LNX1: variants seen among roughly 807,000 people sequenced by gnomAD.
LNX1 encodes ligand of numb-protein X 1, also known as E3 ubiquitin-protein ligase LNX.
Under a neutral mutation model 68.4 loss-of-function variants are expected in LNX1, and 54 were observed. That is an observed-to-expected ratio of 0.79 (90% confidence interval 0.63 to 0.99). The LOEUF is 0.99. Ranked by LOEUF, LNX1 falls within the 50% of genes least tolerant of loss-of-function variation. The pLI, the probability that LNX1 is intolerant of heterozygous loss-of-function variation, is 0.00. For missense variants in LNX1, 906 were observed against 926.4 expected, an observed-to-expected ratio of 0.98 and a Z score of 0.29; for synonymous variants, 336 against 350.0, an observed-to-expected ratio of 0.96 and a Z score of 0.45.
At chr4:53,582,950 T>A (rs1035394864) in intron 1 of LNX1, among the ~76,000 whole-genome samples, 3 of 152,148 alleles carry the variant, frequency 2.0e-5, no homozygotes, top group African/African-American at 7.2e-5. Context: ...TCTAAAATAA[T>A]TCACCCAGCA....
upstream of LNX1, among the ~76,000 whole-genome samples, chr4:53,595,791 G>T (rs1178431597): frequency 1.3e-5 from 2 of 152,120 alleles, no homozygotes; most frequent in African/African-American, 4.8e-5. Context: ...CGTTCTCAAG[G>T]ACTCCTCCTG....
intron 9 of LNX1, among the ~76,000 whole-genome samples, chr4:53,474,435 T>C (rs1334356062): frequency 6.6e-6 from 1 of 152,200 alleles, no homozygotes; most frequent in Non-Finnish European, 1.5e-5. Context: ...AATGAGTAAT[T>C]GCCACAGAGA....
At chr4:53,482,648 T>A (rs1055099408) in intron 6 of LNX1, among the ~76,000 whole-genome samples, 3 of 152,162 alleles carry the variant, frequency 2.0e-5, no homozygotes, top group African/African-American at 7.2e-5. Flanking sequence ...AAGTGGGAGC[T>A]TAGCTCTGGA....
intron 2 of LNX1, among the ~76,000 whole-genome samples, chr4:53,531,412 C>G (rs1461341873): frequency 6.6e-6 from 1 of 152,206 alleles, no homozygotes; most frequent in Admixed American, 6.5e-5. Flanking sequence ...TTGGATTGGA[C>G]AATCTCTAAG....
chr4:53,481,876 T>G, intron 6 of LNX1, 22 bp from the exon 7 acceptor site: 1 of 1,550,148 alleles, frequency 6.5e-7, no homozygotes, highest in South Asian at 1.2e-5. Flanking sequence ...GACACAGGCA[T>G]TAGCCACTGT....
chr4:53,551,165 G>T (rs1238360709), intron 2 of LNX1, among the ~76,000 whole-genome samples: 2 of 152,056 alleles, frequency 1.3e-5, no homozygotes, highest in African/African-American at 4.8e-5. Flanking sequence ...TGCAGGAAGG[G>T]CATACATAAG....
At chr4:53,637,648 A>AT (rs1318282962) in intron 1 of LNX1, among the ~76,000 whole-genome samples, 1 of 152,140 alleles carries the variant, frequency 6.6e-6, no homozygotes, top group Non-Finnish European at 1.5e-5. Flanking sequence ...GTGCAACCTT[A>AT]TTTTTTGTGC....
chr4:53,512,305 T>C (rs1335773993), intron 2 of LNX1, among the ~76,000 whole-genome samples: 2 of 149,070 alleles, frequency 1.3e-5, no homozygotes, highest in African/African-American at 2.4e-5. Flanking sequence ...TTAAAAACAC[T>C]GTGTGGTCCA....
intron 2 of LNX1, among the ~76,000 whole-genome samples, chr4:53,545,650 T>C (rs1482140701): frequency 1.3e-5 from 2 of 152,224 alleles, no homozygotes; most frequent in Non-Finnish European, 2.9e-5. Flanking sequence ...TAATGCTTCC[T>C]GTGTATTGCA....
intron 2 of LNX1, chr4:53,558,087 T>G (rs1714545529): frequency 2.7e-6 from 4 of 1,500,376 alleles, no homozygotes; most frequent in Non-Finnish European, 3.5e-6. Context: ...ACAAAGAATT[T>G]GACTGAGAAC....
chr4:53,466,029 C>T (rs899672189), intron 9 of LNX1, among the ~76,000 whole-genome samples: 17 of 152,082 alleles, frequency 1.1e-4, no homozygotes, highest in Non-Finnish European at 2.5e-4. Flanking sequence ...TTGTAAGAGG[C>T]ATTTATGATT....
chr4:53,465,146 T>C (rs1313330790), intron 9 of LNX1, among the ~76,000 whole-genome samples: 2 of 152,218 alleles, frequency 1.3e-5, no homozygotes, highest in East Asian at 1.9e-4. Flanking sequence ...GCAGGAAATA[T>C]TAAGCTCAGT....
upstream of LNX1, among the ~76,000 whole-genome samples, chr4:53,595,866 C>A (rs1246357859): frequency 6.6e-6 from 1 of 152,130 alleles, no homozygotes; most frequent in Admixed American, 6.5e-5. Flanking sequence ...CATTTTGCTT[C>A]CTATTTTTTT....
At chr4:53,559,430 G>A (rs1406630986) in intron 2 of LNX1, among the ~76,000 whole-genome samples, 1 of 152,162 alleles carries the variant, frequency 6.6e-6, no homozygotes, top group African/African-American at 2.4e-5. Context: ...ATATGTAGGT[G>A]CTGGGGTTAG....
chr4:53,484,467 G>A (rs1376178279), intron 6 of LNX1, among the ~76,000 whole-genome samples: 1 of 152,088 alleles, frequency 6.6e-6, no homozygotes, highest in Non-Finnish European at 1.5e-5. Flanking sequence ...GGAGGCTGCA[G>A]GAGGAGAATT....
chr4:53,561,453 C>G (rs1730282975), intron 2 of LNX1, among the ~76,000 whole-genome samples: 1 of 152,130 alleles, frequency 6.6e-6, no homozygotes, highest in Admixed American at 6.6e-5. Flanking sequence ...GTCTTGATCT[C>G]CTGATCTCAT....
chr4:53,557,051 G>A (rs1162615627), intron 2 of LNX1, among the ~76,000 whole-genome samples: 1 of 152,214 alleles, frequency 6.6e-6, no homozygotes, highest in East Asian at 1.9e-4. Flanking sequence ...CTTTTCATAT[G>A]ATTGCTAGAA....
intron 1 of LNX1, among the ~76,000 whole-genome samples, chr4:53,580,683 G>T (rs1301012314): frequency 1.3e-5 from 2 of 152,182 alleles, no homozygotes; most frequent in Admixed American, 1.3e-4. Context: ...CTTAGAAAAT[G>T]CAAAAATATG....
intron 9 of LNX1, among the ~76,000 whole-genome samples, chr4:53,471,455 C>CA (rs770449117): frequency 5.1e-4 from 77 of 152,240 alleles, no homozygotes; most frequent in Admixed American, 1.0e-3. Flanking sequence ...TCTAAAACAT[C>CA]AAAAGCAATG....
Sources: allele counts gnomAD v4.1 joint callset (sites outside exome capture counted in the v4.1 genomes callset), GRCh38; gene constraint gnomAD v4.1.1; transcripts MANE v1.5; gene names NCBI Gene and HGNC (gene_info 2026-07-23, HGNC 2026-07-21).